Variants in SEC24C observed in about 807,000 individuals in gnomAD.
SEC24C encodes protein transport protein Sec24C.
Under a neutral mutation model 117.0 loss-of-function variants are expected in SEC24C, and 22 were observed. That is an observed-to-expected ratio of 0.19 (90% CI 0.13 to 0.27). The LOEUF is 0.27. SEC24C is among the 10% of genes least tolerant of loss of function. The probability of loss-of-function intolerance (pLI) is 1.00; values close to 1 mark genes in which losing one functional copy is unlikely to be tolerated. For synonymous variants in SEC24C, 506 were observed against 529.4 expected (o/e 0.96, Z 0.61); for missense variants, 1,155 against 1,375.1 (o/e 0.84, Z 2.53).
rs71021568 is a variant in SEC24C, at chr10:73,746,158, C to CAAA, written c.-28-625_-28-623dup. 6.5e-3 allele frequency among the ~76,000 whole-genome samples: 602 copies of CAAA among 92,812 alleles called. 5 individuals are homozygous for CAAA. Among genetic ancestry groups the CAAA allele is most frequent in the South Asian group, 0.011 (28 of 2,508 alleles). The allele number at this position is 92,812 out of a possible 152,430, so 60.9% of individuals were successfully genotyped here. The stretch of plus-strand genomic sequence containing the variant: ...CTGGCAACAGAGTGAGACTCCGTCT[C>CAAA]AAAAAAAAAAAAAAAAAAAAAAAAC... On this transcript the variant is annotated intron_variant, in intron 1 of 22. Coordinates refer to ENST00000345254, the MANE Select transcript of SEC24C (RefSeq NM_198597.3).
intron 3 of SEC24C, among the ~76,000 whole-genome samples, chr10:73,757,757 A>C (rs2082732249): frequency 6.7e-6 from 1 of 150,222 alleles, no homozygotes; most frequent in African/African-American, 2.5e-5. Flanking sequence ...CAAAAAATAA[A>C]AAAAATTAGC....
chr10:73,756,095 G>A (rs1452495021), intron 3 of SEC24C, among the ~76,000 whole-genome samples: 4 of 152,168 alleles, frequency 2.6e-5, no homozygotes, highest in South Asian at 2.1e-4. Flanking sequence ...CAGGTGAACC[G>A]CCCACCTTGG....
At position 73,746,802 on chromosome 10, in the gene SEC24C, C is replaced by T. The variant is rs774898088; in HGVS notation, c.-28-3C>T. 46 of 1,573,276 alleles carry T rather than the reference C, an allele frequency of 2.9e-5. No individual in the cohort carries two copies. Among genetic ancestry groups the T allele is most frequent in the African/African-American group, 8.1e-5 (6 of 73,884 alleles). On this transcript the variant is annotated splice_polypyrimidine_tract_variant and splice_region_variant and intron_variant, in intron 1 of 22. Coordinates refer to ENST00000345254, the MANE Select transcript of SEC24C (RefSeq NM_198597.3). ...TTTGACTAATTTCTCCTCTCTCTCACAGGTGAGATCAAATTGGGAATGCTT... is the reference window on the plus strand; with the variant it reads ...TTTGACTAATTTCTCCTCTCTCTCATAGGTGAGATCAAATTGGGAATGCTT...
chr10:73,762,486 T>C (rs1565043619), intron 6 of SEC24C, among the ~76,000 whole-genome samples: 1 of 152,140 alleles, frequency 6.6e-6, no homozygotes, highest in East Asian at 1.9e-4. Context: ...TGATGTATGA[T>C]GGAAGAGGAC....
chr10:73,767,205 T>G, intron 14 of SEC24C, 35 bp downstream of exon 14: 1 of 1,408,540 alleles, frequency 7.1e-7, no homozygotes, highest in Non-Finnish European at 1.0e-6. Context: ...GGGAAGGATT[T>G]TTCATTACAG....
At chr10:73,766,876 C>T (rs530237569) in intron 13 of SEC24C, 23 bp downstream of exon 13, 3 of 1,593,042 alleles carry the variant, frequency 1.9e-6, no homozygotes, top group African/African-American at 2.7e-5. Context: ...TATCGGGCAA[C>T]CTCCTCTAAC....
At chr10:73,758,256 A>T (rs1287094864) in intron 3 of SEC24C, among the ~76,000 whole-genome samples, 5 of 152,170 alleles carry the variant, frequency 3.3e-5, no homozygotes, top group Non-Finnish European at 1.5e-5. Context: ...AAAGAAAAAA[A>T]AAAGTAGAGA....
At chr10:73,758,229 T>C (rs4746145) in intron 3 of SEC24C, among the ~76,000 whole-genome samples, 20,830 of 151,770 alleles carry the variant, frequency 0.14, 1,496 homozygotes, top group South Asian at 0.2. Flanking sequence ...AGTGAGACTC[T>C]GTCTCAAAAG....
intron 1 of SEC24C, among the ~76,000 whole-genome samples, chr10:73,744,936 C>A (rs1413346115): frequency 6.6e-6 from 1 of 152,120 alleles, no homozygotes; most frequent in Non-Finnish European, 1.5e-5. Flanking sequence ...CTTTACCCCT[C>A]CCCCCGGCTT....
chr10:73,764,129 C>G (rs779666623), intron 8 of SEC24C, 146 bp downstream of exon 8: 3 of 1,119,906 alleles, frequency 2.7e-6, no homozygotes, highest in Non-Finnish European at 3.7e-6. Context: ...GCTTTCTATC[C>G]CAGGGCCCAT....
intron 13 of SEC24C, 42 bp downstream of exon 13, chr10:73,766,895 C>T (rs1208463908): frequency 2.6e-6 from 4 of 1,560,404 alleles, no homozygotes; most frequent in South Asian, 1.1e-5. Flanking sequence ...ACTCCATTTT[C>T]CTCTGACCAT....
At chr10:73,757,122 C>G (rs1054648441) in intron 3 of SEC24C, among the ~76,000 whole-genome samples, 2 of 148,616 alleles carry the variant, frequency 1.3e-5, no homozygotes, top group African/African-American at 4.9e-5. Flanking sequence ...CCATGTTGGT[C>G]AGGCTGGTCT....
At chr10:73,746,605 A>C in intron 1 of SEC24C, 200 bp from the exon 2 acceptor site, 3 of 441,764 alleles carry the variant, frequency 6.8e-6, no homozygotes, top group Non-Finnish European at 1.2e-5. Context: ...GTGGATGGTC[A>C]GAATAACAAA....
intron 2 of SEC24C, among the ~76,000 whole-genome samples, chr10:73,749,423 TTTGC>T (rs2082610788): frequency 6.6e-6 from 1 of 152,360 alleles, no homozygotes; most frequent in African/African-American, 2.4e-5. Context: ...ATCCTTTTCC[TTTGC>T]TTGAGTTTCC....
Position 73,769,459 on chromosome 10 carries a change from C to CG in SEC24C, c.2538dup (p.Leu847AlafsTer16). The CG allele has an allele frequency of 6.2e-7, 1 of 1,614,162 alleles. No individual in the cohort carries two copies. The highest frequency in any genetic ancestry group is 8.5e-7 in the Non-Finnish European group (1 of 1,180,042). On this transcript the variant is annotated frameshift_variant, in exon 18 of 23. Coordinates refer to ENST00000345254, the MANE Select transcript of SEC24C (RefSeq NM_198597.3). LOFTEE classifies it high-confidence loss of function. The surrounding 1 kb of genome is among the most constrained non-coding windows in gnomAD (Gnocchi z 4.5). ...CTATATCGAAACTGTGAGACTGACACGCTCATCAACTACATGGCCAAGTTT... is the reference window on the plus strand; with the variant it reads ...CTATATCGAAACTGTGAGACTGACACGGCTCATCAACTACATGGCCAAGTTT...
chr10:73,753,822 G>T (rs2082674932), intron 3 of SEC24C, among the ~76,000 whole-genome samples: 1 of 152,146 alleles, frequency 6.6e-6, no homozygotes, highest in Non-Finnish European at 1.5e-5. Flanking sequence ...TTAACCCAAA[G>T]AATTTCCCAC....
rs2082534181 is a variant in SEC24C at position 73,745,552 on chromosome 10, ATTTT to A, written c.-29+1118_-29+1121del. On this transcript the variant is annotated intron_variant, in intron 1 of 22. Transcript: ENST00000345254. ...TTGCTAGAGTTTTCAGGTGTCCTTT[ATTTT>A]TTATTTTTTTGAAAGGGCGTCTTGC... is the stretch of plus-strand genomic sequence containing the variant. Among the ~76,000 whole-genome samples, 3 of 150,744 alleles carry A rather than the reference ATTTT, an allele frequency of 2.0e-5. 1 individual carries two copies. The highest frequency in any genetic ancestry group is 7.3e-5 in the African/African-American group (3 of 40,952).
intron 1 of SEC24C, among the ~76,000 whole-genome samples, chr10:73,745,222 G>A (rs1198025826): frequency 6.6e-6 from 1 of 152,096 alleles, no homozygotes; most frequent in Non-Finnish European, 1.5e-5. Context: ...GATGTGATGA[G>A]ATAGTTTTCT....
In SEC24C at chr10:73,760,782, G is replaced by A; in HGVS notation, c.920G>A (p.Gly307Asp). The A allele has an allele frequency of 2.5e-6, 4 of 1,614,012 alleles. No homozygotes were observed. The highest frequency in any genetic ancestry group is 2.5e-6 in the Non-Finnish European group (3 of 1,179,990). Reference protein sequence around the residue: ...GGPYPAAPTFGSQPGPPQPLP... With the variant: ...GGPYPAAPTFDSQPGPPQPLP... Reference sequence around the variant, plus strand: ...CCCTACCCAGCAGCACCCACCTTTGGCAGTCAGCCTGGGCCTCCTCAGCCA... The same window carrying A: ...CCCTACCCAGCAGCACCCACCTTTGACAGTCAGCCTGGGCCTCCTCAGCCA... The change falls in exon 6 of 23, where the codon GGC becomes GAC. Residue 307 changes from glycine (G) to aspartate (D), a missense_variant. Gly to Asp is a moderately conservative substitution (Grantham distance 94, BLOSUM62 -1). This residue lies in a region of SEC24C where 396 missense variants were observed against 382.8 expected (regional missense o/e 1.03). Coordinates refer to ENST00000345254, the MANE Select transcript of SEC24C (RefSeq NM_198597.3).
Sources: gnomAD v4.1 joint callset for allele counts (sites outside exome capture counted in the v4.1 genomes callset) on GRCh38, gnomAD v4.1.1 for gene constraint, gnomAD v4.1.1 regional missense constraint, Gnocchi (gnomAD v3.1) non-coding constraint, MANE v1.5 for transcripts, NCBI Gene and HGNC (gene_info 2026-07-23, HGNC 2026-07-21) for gene names.